The following TLN2 variants were observed in gnomAD, a reference collection of about 807,000 sequenced individuals.
TLN2 encodes the protein talin 2, also known as talin-2.
In TLN2, 118 loss-of-function variants were observed where a neutral mutation model predicts 294.7. The observed-to-expected ratio is 0.40, with a 90% CI of 0.34 to 0.47. The LOEUF is 0.47. Among genes scored for constraint, TLN2 ranks in the 20% least tolerant of loss-of-function variants. The pLI is 0.84. For missense variants in TLN2, 3,083 were observed against 3,282.2 expected (o/e 0.94, Z 1.48); for synonymous variants, 1,431 against 1,304.5 (o/e 1.10, Z -2.09).
chr15:62,469,771 C>G (rs1045491556), intron 1 of TLN2, among the ~76,000 whole-genome samples: 3 of 152,208 alleles, frequency 2.0e-5, no homozygotes, highest in Non-Finnish European at 4.4e-5. Flanking sequence ...CTCTTACTGG[C>G]TCTCTTCTAG....
chr15:62,515,746 A>T (rs1341245271), intron 1 of TLN2, among the ~76,000 whole-genome samples: 1 of 148,360 alleles, frequency 6.7e-6, no homozygotes, highest in African/African-American at 2.5e-5. Flanking sequence ...ATTTTTTTTC[A>T]GACGTGTGTT....
chr15:62,445,147 G>A (rs1262924301), intron 1 of TLN2, among the ~76,000 whole-genome samples: 2 of 152,186 alleles, frequency 1.3e-5, no homozygotes, highest in African/African-American at 2.4e-5. Context: ...TAGAACTGGA[G>A]CTGTTGAAAT....
intron 9 of TLN2, among the ~76,000 whole-genome samples, chr15:62,671,635 C>A (rs2055437466): frequency 6.6e-6 from 1 of 152,180 alleles, no homozygotes; most frequent in African/African-American, 2.4e-5. Flanking sequence ...TTCTATTGAC[C>A]TGTGTATCTG....
At chr15:62,453,444 G>T (rs2036274227) in intron 1 of TLN2, 1 of 152,288 alleles carries the variant, frequency 6.6e-6, no homozygotes, top group South Asian at 2.1e-4. Context: ...TTCCTTTGCA[G>T]GTGCTGGGCT....
chr15:62,492,654 G>A (rs552477242), intron 1 of TLN2, among the ~76,000 whole-genome samples: 1 of 151,210 alleles, frequency 6.6e-6, no homozygotes, highest in East Asian at 1.9e-4. Context: ...GTTTCCTTTT[G>A]TGATTTTTTT....
At chr15:62,639,810 A>C (rs115160286) in intron 3 of TLN2, among the ~76,000 whole-genome samples, 1 of 152,140 alleles carries the variant, frequency 6.6e-6, no homozygotes, top group African/African-American at 2.4e-5. Context: ...TGGGTTGACA[A>C]AATTATTAGA....
chr15:62,641,028 CT>C (rs967958067), intron 3 of TLN2, among the ~76,000 whole-genome samples: 8 of 151,826 alleles, frequency 5.3e-5, no homozygotes, highest in Non-Finnish European at 1.2e-4. Flanking sequence ...TCTCAAACTC[CT>C]GACCTCAGGT....
chr15:62,737,385 T>G (rs1221031962), intron 29 of TLN2, among the ~76,000 whole-genome samples: 1 of 152,208 alleles, frequency 6.6e-6, no homozygotes, highest in Non-Finnish European at 1.5e-5. Context: ...GTTTTGGGCC[T>G]ATGTGTGCTG....
intron 1 of TLN2, among the ~76,000 whole-genome samples, chr15:62,451,807 T>G (rs2036169635): frequency 6.6e-6 from 1 of 152,178 alleles, no homozygotes; most frequent in Admixed American, 6.5e-5. Flanking sequence ...TGCCTTTGAC[T>G]CTGTTTTCTC....
chr15:62,449,605 A>C (rs2035989926), intron 1 of TLN2, among the ~76,000 whole-genome samples: 1 of 152,014 alleles, frequency 6.6e-6, no homozygotes, highest in Admixed American at 6.6e-5. Flanking sequence ...GGGTTGCTTG[A>C]GCCCAGGAGT....
intron 28 of TLN2, among the ~76,000 whole-genome samples, chr15:62,736,462 G>A (rs1487857975): frequency 6.6e-6 from 1 of 152,190 alleles, no homozygotes; most frequent in Non-Finnish European, 1.5e-5. Context: ...AGCTGCACAT[G>A]TAGACTTGTT....
chr15:62,574,236 C>A (rs1299362474), intron 1 of TLN2, among the ~76,000 whole-genome samples: 1 of 151,120 alleles, frequency 6.6e-6, no homozygotes, highest in Non-Finnish European at 1.5e-5. Flanking sequence ...GGCTCTTATT[C>A]ATCTAGAAAT....
At chr15:62,808,250 T>TA (rs1211794558) in intron 51 of TLN2, among the ~76,000 whole-genome samples, 1 of 152,228 alleles carries the variant, frequency 6.6e-6, no homozygotes, top group African/African-American at 2.4e-5. Flanking sequence ...GTATATTAGA[T>TA]ATAATTTTAT....
At chr15:62,714,246 A>T (rs1595760168) in intron 22 of TLN2, among the ~76,000 whole-genome samples, 1 of 117,122 alleles carries the variant, frequency 8.5e-6, no homozygotes, top group Non-Finnish European at 1.6e-5. Context: ...TCTGTCACCC[A>T]GGCTGGAGTG....
rs774015442 is a variant in TLN2 at position 62,656,013 on chromosome 15, G to T, written c.587G>T (p.Arg196Ile). ...GVDENETLLL[R>I]RKFFYSDQNV... ...GATGAAAACGAAACGTTGCTGCTTAGACGGAAGTTCTTTTACTCTGATCAG... is the reference window on the plus strand; with the variant it reads ...GATGAAAACGAAACGTTGCTGCTTATACGGAAGTTCTTTTACTCTGATCAG... Residue 196 changes from arginine (R) to isoleucine (I), a missense_variant, in exon 8 of 59, where the codon AGA becomes ATA. Physicochemically the swap from Arg to Ile is moderately conservative, Grantham distance 97 (BLOSUM62 -3). Transcript: ENST00000636159. 6.2e-7 allele frequency: 1 copy of T among 1,614,208 alleles called. No individual in the cohort carries two copies. Among genetic ancestry groups the T allele is most frequent in the Admixed American group, 1.7e-5 (1 of 60,020 alleles).
At chr15:62,447,834 C>T (rs1372766536) in intron 1 of TLN2, among the ~76,000 whole-genome samples, 1 of 152,192 alleles carries the variant, frequency 6.6e-6, no homozygotes, top group East Asian at 1.9e-4. Flanking sequence ...GTGCTCGGCC[C>T]CGCCCCACTC....
intron 8 of TLN2, among the ~76,000 whole-genome samples, chr15:62,656,734 T>G (rs1234420384): frequency 6.6e-6 from 1 of 152,168 alleles, no homozygotes; most frequent in African/African-American, 2.4e-5. Flanking sequence ...AATGTAGGGG[T>G]TGGCAAACTA....
intron 1 of TLN2, among the ~76,000 whole-genome samples, chr15:62,574,347 G>C (rs1247383595): frequency 6.6e-6 from 1 of 151,786 alleles, no homozygotes; most frequent in Non-Finnish European, 1.5e-5. Flanking sequence ...AGGCTGAGGT[G>C]AGAGGATCAC....
At chr15:62,493,248 G>A (rs1475099931) in intron 1 of TLN2, among the ~76,000 whole-genome samples, 1 of 152,144 alleles carries the variant, frequency 6.6e-6, no homozygotes, top group Non-Finnish European at 1.5e-5. Flanking sequence ...CCATGCTCCA[G>A]GTGCTTGTTG....
Sources: gnomAD v4.1 joint callset for allele counts (sites outside exome capture counted in the v4.1 genomes callset) on GRCh38, gnomAD v4.1.1 for gene constraint, MANE v1.5 for transcripts, NCBI Gene and HGNC (gene_info 2026-07-23, HGNC 2026-07-21) for gene names.